The following DLGAP1 variants were observed in gnomAD, a reference collection of about 807,000 sequenced individuals.
DLGAP1 encodes the protein disks large-associated protein 1.
A neutral mutation model predicts 90.8 loss-of-function variants in DLGAP1; 11 were observed. The observed-to-expected ratio is 0.12, with a 90% confidence interval of 0.08 to 0.20. The LOEUF (loss-of-function observed/expected upper bound fraction) is 0.20. Among genes scored for constraint, DLGAP1 ranks in the 10% least tolerant of loss-of-function variants. DLGAP1 has a pLI of 1.00. For synonymous variants in DLGAP1, 558 were observed against 540.7 expected (o/e 1.03, Z -0.44); for missense variants, 1,050 against 1,333.8 (o/e 0.79, Z 3.31).
Position 3,671,494 on chromosome 18 carries a change from C to T in DLGAP1, c.1591+57641G>A, listed in dbSNP as rs117126854. 4.6e-3 allele frequency among the ~76,000 whole-genome samples: 707 copies of T among 152,254 alleles called. 1 individual carries two copies. The highest frequency in any genetic ancestry group is 6.1e-3 in the Non-Finnish European group (412 of 68,022). ...TGCTTGTTAAATAAGGGAAGGGATT[C>T]GTAGTTCCACCTGACTCTTAAATTG... On this transcript the variant is annotated intron_variant, in intron 7 of 12. Transcript: ENST00000315677.
intron 7 of DLGAP1, among the ~76,000 whole-genome samples, chr18:3,684,519 C>T (rs920026445): frequency 8.6e-5 from 13 of 152,044 alleles, no homozygotes; most frequent in African/African-American, 2.2e-4. Context: ...TTATTTAAGC[C>T]ATACTGCTTT....
intron 2 of DLGAP1, among the ~76,000 whole-genome samples, chr18:4,129,884 T>C (rs2076287827): frequency 6.6e-6 from 1 of 152,188 alleles, no homozygotes; most frequent in African/African-American, 2.4e-5. Context: ...AAGAACTAGA[T>C]TTCACATGAA....
At chr18:4,175,194 T>C (rs921206473) in intron 1 of DLGAP1, among the ~76,000 whole-genome samples, 1 of 152,208 alleles carries the variant, frequency 6.6e-6, no homozygotes, top group Non-Finnish European at 1.5e-5. Context: ...CTTTTTTTCA[T>C]ACATTTCTTG....
intron 2 of DLGAP1, among the ~76,000 whole-genome samples, chr18:4,149,821 T>C (rs534186482): frequency 2.0e-5 from 3 of 151,942 alleles, no homozygotes; most frequent in Non-Finnish European, 2.9e-5. Flanking sequence ...CGTGGAAAAA[T>C]TGTCTTCCAC....
intron 12 of DLGAP1, among the ~76,000 whole-genome samples, chr18:3,500,675 G>A (rs1040458221): frequency 6.6e-6 from 1 of 151,934 alleles, no homozygotes; most frequent in Non-Finnish European, 1.5e-5. Context: ...AGGTTCATGG[G>A]GTGATGAAAA....
chr18:3,977,651 TG>T, intron 3 of DLGAP1: 1 of 248,420 alleles, frequency 4.0e-6, no homozygotes, highest in Non-Finnish European at 8.0e-6. Flanking sequence ...CTGCTGCCTT[TG>T]GAGGCCATGT....
chr18:4,333,501 C>T (rs1156384228), intron 1 of DLGAP1, among the ~76,000 whole-genome samples: 2 of 150,730 alleles, frequency 1.3e-5, no homozygotes, highest in Non-Finnish European at 2.9e-5. Flanking sequence ...AGAAATAATT[C>T]GTGGTCATTT....
intron 9 of DLGAP1, among the ~76,000 whole-genome samples, chr18:3,537,641 C>T (rs77595895): frequency 0.02 from 2,998 of 152,282 alleles, 70 homozygotes; most frequent in African/African-American, 0.052. Context: ...GGTAGAACTA[C>T]TGAGTCACAT....
At chr18:3,805,060 A>G (rs1270457441) in intron 5 of DLGAP1, among the ~76,000 whole-genome samples, 1 of 152,220 alleles carries the variant, frequency 6.6e-6, no homozygotes, top group Non-Finnish European at 1.5e-5. Flanking sequence ...CCTGACTACT[A>G]TAATATATCC....
chr18:4,130,569 G>T (rs2144202027), intron 2 of DLGAP1, among the ~76,000 whole-genome samples: 1 of 152,248 alleles, frequency 6.6e-6, no homozygotes, highest in Non-Finnish European at 1.5e-5. Flanking sequence ...TACAATATTA[G>T]AATCTAGGAA....
At chr18:3,531,505 C>T (rs751605473) in intron 10 of DLGAP1, among the ~76,000 whole-genome samples, 1 of 151,654 alleles carries the variant, frequency 6.6e-6, no homozygotes, top group African/African-American at 2.4e-5. Flanking sequence ...TTTTTTGAGT[C>T]GGAGTCTCAC....
intron 1 of DLGAP1, among the ~76,000 whole-genome samples, chr18:4,380,888 G>A (rs962951502): frequency 9.9e-5 from 15 of 152,122 alleles, no homozygotes; most frequent in African/African-American, 3.4e-4. Context: ...TGCCAATATG[G>A]TTCTCCACTG....
At chr18:3,834,359 C>T (rs1437589730) in intron 4 of DLGAP1, among the ~76,000 whole-genome samples, 1 of 142,474 alleles carries the variant, frequency 7.0e-6, no homozygotes, top group East Asian at 2.0e-4. Context: ...TTAATCATAG[C>T]ACTGGTTGTA....
At chr18:4,418,627 T>C (rs969774940) in intron 1 of DLGAP1, among the ~76,000 whole-genome samples, 2 of 152,086 alleles carry the variant, frequency 1.3e-5, no homozygotes, top group African/African-American at 4.8e-5. Flanking sequence ...ATCAAGGAAT[T>C]TGAAGATAGA....
At chr18:4,041,348 G>A (rs867506030) in intron 2 of DLGAP1, among the ~76,000 whole-genome samples, 5 of 152,194 alleles carry the variant, frequency 3.3e-5, no homozygotes, top group Non-Finnish European at 1.5e-5. Context: ...GGAATATGGA[G>A]TAGAAAATAT....
At chr18:4,413,429 C>T (rs1037898148) in intron 1 of DLGAP1, among the ~76,000 whole-genome samples, 5 of 152,114 alleles carry the variant, frequency 3.3e-5, no homozygotes, top group South Asian at 4.1e-4. Context: ...CATGAAGCTC[C>T]GAAGTCCTGT....
intron 9 of DLGAP1, among the ~76,000 whole-genome samples, chr18:3,564,222 G>A (rs1015865255): frequency 6.6e-6 from 1 of 152,212 alleles, no homozygotes; most frequent in South Asian, 2.1e-4. Context: ...TGAGGGAAAA[G>A]TGCTCTACAG....
At chr18:3,951,412 C>T (rs1339326585) in intron 3 of DLGAP1, among the ~76,000 whole-genome samples, 2 of 152,154 alleles carry the variant, frequency 1.3e-5, no homozygotes, top group African/African-American at 2.4e-5. Context: ...AACTTTTGGA[C>T]AATAGCTGTC....
At chr18:3,586,936 G>A (rs2055921089) in intron 7 of DLGAP1, among the ~76,000 whole-genome samples, 1 of 152,086 alleles carries the variant, frequency 6.6e-6, no homozygotes, top group Non-Finnish European at 1.5e-5. Context: ...ACTGAAGGAG[G>A]GTGAAACACC....
Sources: allele counts gnomAD v4.1 joint callset (sites outside exome capture counted in the v4.1 genomes callset), GRCh38; gene constraint gnomAD v4.1.1; transcripts MANE v1.5; gene names NCBI Gene and HGNC (gene_info 2026-07-23, HGNC 2026-07-21).